ACAD11: variants seen among roughly 807,000 people sequenced by gnomAD.
ACAD11 encodes acyl-CoA dehydrogenase family member 11, also known as acyl-Coenzyme A dehydrogenase family, member 11.
A neutral mutation model predicts 102.2 loss-of-function variants in ACAD11; 83 were observed. The ratio of observed to expected loss-of-function variants is 0.81; its 90% CI spans 0.68 to 0.97. The LOEUF (loss-of-function observed/expected upper bound fraction) is 0.97, where lower values mean the gene tolerates loss of function less well. Among genes scored for constraint, ACAD11 ranks in the 50% least tolerant of loss-of-function variants. The pLI, the probability that ACAD11 is intolerant of heterozygous loss-of-function variation, is 0.00. For synonymous variants in ACAD11, 324 were observed against 319.8 expected, an observed-to-expected ratio of 1.01 and a Z score of -0.14; for missense variants, 901 against 951.7, an observed-to-expected ratio of 0.95 and a Z score of 0.70.
At chr3:132,578,695 A>G in intron 15 of ACAD11, 101 bp downstream of exon 15, 2 of 1,312,626 alleles carry the variant, frequency 1.5e-6, no homozygotes, top group East Asian at 4.8e-5. Context: ...AGGAATATCT[A>G]AGAATCTATC....
chr3:132,579,221 T>C, intron 14 of ACAD11: 3 of 672,758 alleles, frequency 4.5e-6, no homozygotes, highest in Non-Finnish European at 4.6e-6. Context: ...AAAAAATTTG[T>C]CTGATAATTT....
At chr3:132,573,831 A>T (rs1187141210) in intron 17 of ACAD11, among the ~76,000 whole-genome samples, 5 of 152,192 alleles carry the variant, frequency 3.3e-5, no homozygotes, top group African/African-American at 1.2e-4. Flanking sequence ...CAGAACTGGG[A>T]TGGAGAATTT....
chr3:132,629,751 A>G (rs1939961399), intron 7 of ACAD11, among the ~76,000 whole-genome samples: 2 of 151,996 alleles, frequency 1.3e-5, no homozygotes, highest in Admixed American at 6.6e-5. Context: ...TTCTAAACTT[A>G]TTTACCTGTT....
intron 11 of ACAD11, among the ~76,000 whole-genome samples, chr3:132,615,209 GC>G (rs1244806443): frequency 1.3e-5 from 2 of 152,110 alleles, no homozygotes; most frequent in African/African-American, 2.4e-5. Flanking sequence ...AAATAGGAAA[GC>G]TTTTACACTG....
chr3:132,592,373 C>T (rs1013660484), intron 13 of ACAD11, among the ~76,000 whole-genome samples: 1 of 152,138 alleles, frequency 6.6e-6, no homozygotes, highest in African/African-American at 2.4e-5. Context: ...TGCTGTGTCA[C>T]AGGCCTTCAT....
chr3:132,617,890 A>G (rs560946258), intron 11 of ACAD11, among the ~76,000 whole-genome samples: 7 of 152,228 alleles, frequency 4.6e-5, no homozygotes, highest in Non-Finnish European at 7.4e-5. Flanking sequence ...TCCATCTACT[A>G]TAAAAACTCT....
At chr3:132,570,393 A>G (rs990042753) in intron 17 of ACAD11, among the ~76,000 whole-genome samples, 4 of 152,116 alleles carry the variant, frequency 2.6e-5, no homozygotes, top group African/African-American at 9.7e-5. Flanking sequence ...GATGAGTTAA[A>G]CCAGCAGACA....
chr3:132,631,894 G>A (rs1940054034), intron 5 of ACAD11, among the ~76,000 whole-genome samples: 1 of 151,996 alleles, frequency 6.6e-6, no homozygotes, highest in East Asian at 1.9e-4. Flanking sequence ...TCCATCCATG[G>A]TACTTTTAAA....
chr3:132,619,006 G>A, intron 10 of ACAD11: 1 of 393,342 alleles, frequency 2.5e-6, no homozygotes, highest in Admixed American at 4.5e-5. Flanking sequence ...GGATTTGGCT[G>A]AAAAATTAAG....
intron 10 of ACAD11, chr3:132,619,008 A>T: frequency 2.5e-6 from 1 of 393,334 alleles, no homozygotes; most frequent in Non-Finnish European, 4.4e-6. Context: ...ATTTGGCTGA[A>T]AAATTAAGTT....
chr3:132,603,854 T>C (rs1245659131), intron 12 of ACAD11, among the ~76,000 whole-genome samples: 2 of 152,204 alleles, frequency 1.3e-5, no homozygotes, highest in African/African-American at 4.8e-5. Context: ...ACAACTGCTT[T>C]ATTGCATGGC....
chr3:132,630,900 A>T (rs879199709), intron 6 of ACAD11, among the ~76,000 whole-genome samples: 2 of 152,158 alleles, frequency 1.3e-5, no homozygotes, highest in Non-Finnish European at 2.9e-5. Flanking sequence ...GTGAGACACC[A>T]TCTCTACAAA....
At chr3:132,590,499 A>C (rs1322681107) in intron 13 of ACAD11, among the ~76,000 whole-genome samples, 1 of 152,016 alleles carries the variant, frequency 6.6e-6, no homozygotes, top group Non-Finnish European at 1.5e-5. Flanking sequence ...CTCCCGCCTT[A>C]GCCCCCCAAA....
chr3:132,594,184 T>A (rs762697984), intron 13 of ACAD11, among the ~76,000 whole-genome samples: 2 of 152,164 alleles, frequency 1.3e-5, no homozygotes, highest in Non-Finnish European at 2.9e-5. Flanking sequence ...TGTGTCTGAA[T>A]TAGCAAAAAC....
chr3:132,632,865 T>C (rs555325783), intron 5 of ACAD11, among the ~76,000 whole-genome samples: 2 of 152,344 alleles, frequency 1.3e-5, no homozygotes, highest in African/African-American at 4.8e-5. Context: ...TCACTCATGA[T>C]TTGGCTCTCT....
chr3:132,642,804 T>G lies in ACAD11; in HGVS notation c.250-2A>C. On this transcript the variant is annotated splice_acceptor_variant, in intron 2 of 19. Coordinates refer to ENST00000264990, the MANE Select transcript of ACAD11 (RefSeq NM_032169.5). LOFTEE classifies it high-confidence loss of function. ...CTGGACTTTAAATTCTCTATCAATC[T>G]AAATAGGATGATGAATCATTAAAAA... The G allele has an allele frequency of 6.2e-7, 1 of 1,603,468 alleles. No homozygotes were observed. The highest frequency in any genetic ancestry group is 8.5e-7 in the Non-Finnish European group (1 of 1,177,002).
chr3:132,578,089 T>G (rs1256386961), intron 15 of ACAD11, among the ~76,000 whole-genome samples: 1 of 152,194 alleles, frequency 6.6e-6, no homozygotes, highest in Non-Finnish European at 1.5e-5. Flanking sequence ...CTGGGCCCGG[T>G]GGCTCATACC....
intron 9 of ACAD11, among the ~76,000 whole-genome samples, chr3:132,625,481 TCA>T (rs775942169): frequency 3.3e-5 from 5 of 152,142 alleles, no homozygotes; most frequent in African/African-American, 4.8e-5. Flanking sequence ...ACTCAAGAGT[TCA>T]CAGTTTTAAA....
chr3:132,594,024 T>C (rs1370174025), intron 13 of ACAD11, among the ~76,000 whole-genome samples: 2 of 152,130 alleles, frequency 1.3e-5, no homozygotes, highest in African/African-American at 4.8e-5. Context: ...CCTAGTTCTA[T>C]CAGGAGAAAA....
Sources: allele counts gnomAD v4.1 joint callset (sites outside exome capture counted in the v4.1 genomes callset), GRCh38; gene constraint gnomAD v4.1.1; transcripts MANE v1.5; gene names NCBI Gene and HGNC (gene_info 2026-07-23, HGNC 2026-07-21).